Variants in NALF1 observed in about 807,000 individuals in gnomAD.
NALF1 encodes family with sequence similarity 155 member A.
NALF1 carries 3 observed loss-of-function variants against 48.4 expected under a neutral mutation model. The observed-to-expected ratio is 0.06, with a 90% confidence interval of 0.03 to 0.16. NALF1 has a LOEUF of 0.16. Among genes scored for constraint, NALF1 ranks in the 10% least tolerant of loss-of-function variants. The pLI is 1.00. For missense variants in NALF1, 526 were observed against 571.5 expected (o/e 0.92, Z 0.81); for synonymous variants, 262 against 245.7 (o/e 1.07, Z -0.62).
At chr13:107,737,107 CATT>C (rs1459290223) in intron 1 of NALF1, among the ~76,000 whole-genome samples, 20 of 152,156 alleles carry the variant, frequency 1.3e-4, no homozygotes, top group African/African-American at 4.6e-4. Context: ...ATTAAAACAA[CATT>C]ATTAAGTCTT....
At chr13:107,228,917 G>A (rs999273860) in intron 1 of NALF1, among the ~76,000 whole-genome samples, 3 of 151,918 alleles carry the variant, frequency 2.0e-5, no homozygotes, top group Admixed American at 6.6e-5. Flanking sequence ...CACCACGCCC[G>A]CCTGGGTGCT....
intron 1 of NALF1, among the ~76,000 whole-genome samples, chr13:107,475,167 G>A (rs1200048095): frequency 6.6e-6 from 1 of 152,188 alleles, no homozygotes; most frequent in Non-Finnish European, 1.5e-5. Context: ...CCCATCATTG[G>A]AAGGTTTGTC....
At chr13:107,394,260 G>A (rs2138985572) in intron 1 of NALF1, among the ~76,000 whole-genome samples, 1 of 152,244 alleles carries the variant, frequency 6.6e-6, no homozygotes, top group Admixed American at 6.5e-5. Context: ...AAATGATACT[G>A]GGAAATATTT....
At chr13:107,272,182 A>T (rs1301762686) in intron 1 of NALF1, among the ~76,000 whole-genome samples, 2 of 143,268 alleles carry the variant, frequency 1.4e-5, no homozygotes, top group South Asian at 2.4e-4. Flanking sequence ...TGACAAAATA[A>T]GCAGACCTTA....
At chr13:107,704,378 T>A (rs1881897167) in intron 1 of NALF1, among the ~76,000 whole-genome samples, 1 of 152,224 alleles carries the variant, frequency 6.6e-6, no homozygotes, top group African/African-American at 2.4e-5. Context: ...GATTATTTTC[T>A]CTCATTCACC....
chr13:107,381,341 C>G (rs1308655001), intron 1 of NALF1, among the ~76,000 whole-genome samples: 1 of 151,662 alleles, frequency 6.6e-6, no homozygotes, highest in South Asian at 2.1e-4. Context: ...GCTGGGACCA[C>G]TGGCATGCAC....
At chr13:107,728,474 T>C (rs537899652) in intron 1 of NALF1, among the ~76,000 whole-genome samples, 2 of 150,438 alleles carry the variant, frequency 1.3e-5, no homozygotes, top group Non-Finnish European at 3.0e-5. Context: ...TACGTGGGAG[T>C]TGAACAATGA....
intron 1 of NALF1, among the ~76,000 whole-genome samples, chr13:107,522,646 C>G (rs552061675): frequency 6.6e-6 from 1 of 151,802 alleles, no homozygotes; most frequent in Non-Finnish European, 1.5e-5. Context: ...TTCTGTAGCC[C>G]AGACTGTACT....
chr13:107,706,425 AT>A (rs1222104377), intron 1 of NALF1, among the ~76,000 whole-genome samples: 1 of 152,222 alleles, frequency 6.6e-6, no homozygotes, highest in Admixed American at 6.5e-5. Context: ...ATTATAGTAT[AT>A]TAAGATTTCT....
chr13:107,573,458 C>T (rs1164912595), intron 1 of NALF1, among the ~76,000 whole-genome samples: 1 of 152,122 alleles, frequency 6.6e-6, no homozygotes, highest in Non-Finnish European at 1.5e-5. Flanking sequence ...TACCTCTCTT[C>T]TTTTTACCAA....
chr13:107,694,107 C>G (rs1881640802), intron 1 of NALF1, among the ~76,000 whole-genome samples: 1 of 152,154 alleles, frequency 6.6e-6, no homozygotes, highest in African/African-American at 2.4e-5. Flanking sequence ...ATGTATCGAC[C>G]TGTAGCAGGA....
chr13:107,183,238 C>T (rs1879104073), intron 2 of NALF1, among the ~76,000 whole-genome samples: 1 of 152,190 alleles, frequency 6.6e-6, no homozygotes, highest in Non-Finnish European at 1.5e-5. Flanking sequence ...CTTGTCCATG[C>T]CAGTCCAACC....
chr13:107,473,538 G>A (rs527382973), intron 1 of NALF1, among the ~76,000 whole-genome samples: 1 of 152,218 alleles, frequency 6.6e-6, no homozygotes, highest in African/African-American at 2.4e-5. Context: ...TTGTTTCTCT[G>A]AAGAAAACAG....
At chr13:107,352,682 T>C (rs565944951) in intron 1 of NALF1, among the ~76,000 whole-genome samples, 1 of 152,282 alleles carries the variant, frequency 6.6e-6, no homozygotes, top group Admixed American at 6.5e-5. Context: ...CACGTTCTAA[T>C]GCCATTACTG....
At chr13:107,496,699 T>G (rs1029481543) in intron 1 of NALF1, among the ~76,000 whole-genome samples, 1 of 152,128 alleles carries the variant, frequency 6.6e-6, no homozygotes, top group Admixed American at 6.5e-5. Context: ...AAGAAAGAGG[T>G]TTATTGGACT....
intron 1 of NALF1, among the ~76,000 whole-genome samples, chr13:107,541,889 C>T (rs1285178049): frequency 3.9e-5 from 6 of 151,984 alleles, no homozygotes; most frequent in Admixed American, 2.0e-4. Flanking sequence ...GTTCTATATA[C>T]TTTGCCAAGA....
At chr13:107,804,502 A>T (rs1352733458) in intron 1 of NALF1, among the ~76,000 whole-genome samples, 1 of 152,016 alleles carries the variant, frequency 6.6e-6, no homozygotes, top group Admixed American at 6.6e-5. Context: ...TGCAGTGGAA[A>T]GTCCTGGACT....
At chr13:107,424,136 G>A (rs113823159) in intron 1 of NALF1, among the ~76,000 whole-genome samples, 3 of 151,794 alleles carry the variant, frequency 2.0e-5, no homozygotes, top group Admixed American at 6.6e-5. Flanking sequence ...CTATTTACTT[G>A]TTTATTTATT....
At chr13:107,384,621 A>T (rs12430986) in intron 1 of NALF1, among the ~76,000 whole-genome samples, 40,589 of 152,086 alleles carry the variant, frequency 0.27, 5,497 homozygotes, top group Admixed American at 0.3. Context: ...AAAACCAGGC[A>T]AGGCATCTTT....
Sources: allele counts gnomAD v4.1 joint callset (sites outside exome capture counted in the v4.1 genomes callset), GRCh38; gene constraint gnomAD v4.1.1; transcripts MANE v1.5; gene names NCBI Gene and HGNC (gene_info 2026-07-23, HGNC 2026-07-21).